Variants in PPARGC1A observed in about 807,000 individuals in gnomAD.
The protein encoded by PPARGC1A is PPARG coactivator 1 alpha.
Under a neutral mutation model 88.7 loss-of-function variants are expected in PPARGC1A, and 25 were observed. The ratio of observed to expected loss-of-function variants is 0.28; its 90% CI spans 0.21 to 0.39. The LOEUF (loss-of-function observed/expected upper bound fraction) is 0.39. Among genes scored for constraint, PPARGC1A ranks in the 10% least tolerant of loss-of-function variants. The pLI, the probability that PPARGC1A is intolerant of heterozygous loss-of-function variation, is 1.00. For missense variants in PPARGC1A, 880 were observed against 968.7 expected (o/e 0.91, Z 1.22); for synonymous variants, 363 against 355.6 (o/e 1.02, Z -0.24).
chr4:24,458,636 G>A, the PPARGC1A span, among the ~76,000 whole-genome samples: 93 of 152,180 alleles, frequency 6.1e-4, no homozygotes, highest in South Asian at 1.0e-3. Flanking sequence ...ACATTTGTAC[G>A]GCCTTTAACC....
At chr4:24,250,920 A>G in the PPARGC1A span, among the ~76,000 whole-genome samples, 7 of 152,340 alleles carry the variant, frequency 4.6e-5, no homozygotes, top group East Asian at 1.4e-3. Context: ...GCCCCAATCT[A>G]TCCTTGCCAC....
At chr4:24,163,322 T>A in the PPARGC1A span, among the ~76,000 whole-genome samples, 1 of 151,744 alleles carries the variant, frequency 6.6e-6, no homozygotes, top group Non-Finnish European at 1.5e-5. Flanking sequence ...GAAATGAATT[T>A]AACAACATAA....
chr4:24,382,062 C>G, the PPARGC1A span, among the ~76,000 whole-genome samples: 1 of 152,056 alleles, frequency 6.6e-6, no homozygotes, highest in South Asian at 2.1e-4. Context: ...AATAAATCTG[C>G]TTTTAGGAAT....
chr4:24,470,645 G>A, the PPARGC1A span, among the ~76,000 whole-genome samples: 3 of 151,866 alleles, frequency 2.0e-5, no homozygotes, highest in East Asian at 3.9e-4. The surrounding 1 kb of genome is among the most constrained non-coding windows in gnomAD (Gnocchi z 5.8). Flanking sequence ...TCCTCACTCC[G>A]CGCGCCTGGG....
the PPARGC1A span, among the ~76,000 whole-genome samples, chr4:24,391,702 A>C: frequency 6.6e-6 from 1 of 152,226 alleles, no homozygotes; most frequent in Non-Finnish European, 1.5e-5. Flanking sequence ...TTCATTTAAA[A>C]GACTTATTAG....
chr4:23,958,102 G>T, the PPARGC1A span, among the ~76,000 whole-genome samples: 1 of 152,064 alleles, frequency 6.6e-6, no homozygotes, highest in African/African-American at 2.4e-5. Flanking sequence ...ATTTTTTGGA[G>T]GAATGAAACT....
the PPARGC1A span, among the ~76,000 whole-genome samples, chr4:24,125,574 T>C: frequency 6.6e-6 from 1 of 152,184 alleles, no homozygotes; most frequent in African/African-American, 2.4e-5. Flanking sequence ...CACTCCTGCA[T>C]TGTTTCTTTC....
At chr4:24,202,973 G>C in the PPARGC1A span, among the ~76,000 whole-genome samples, 1 of 152,206 alleles carries the variant, frequency 6.6e-6, no homozygotes, top group African/African-American at 2.4e-5. Flanking sequence ...AAGAGATCTA[G>C]GGGGTGTCTG....
chr4:23,989,369 G>A, the PPARGC1A span, among the ~76,000 whole-genome samples: 1 of 151,930 alleles, frequency 6.6e-6, no homozygotes, highest in African/African-American at 2.4e-5. Flanking sequence ...GTGGGTAAGG[G>A]AATAGGGAAG....
chr4:24,117,174 G>A, the PPARGC1A span, among the ~76,000 whole-genome samples: 1 of 152,160 alleles, frequency 6.6e-6, no homozygotes, highest in African/African-American at 2.4e-5. Context: ...TCAATAGAGA[G>A]GTTTATACTT....
the PPARGC1A span, among the ~76,000 whole-genome samples, chr4:23,966,870 T>C: frequency 6.6e-6 from 1 of 152,150 alleles, no homozygotes; most frequent in Non-Finnish European, 1.5e-5. Context: ...AGGGCTTCTG[T>C]CTGGGAATGG....
At chr4:23,898,577 A>G (rs892853435) in intron 1 of PPARGC1A, among the ~76,000 whole-genome samples, 2 of 152,228 alleles carry the variant, frequency 1.3e-5, no homozygotes, top group Admixed American at 6.5e-5. Flanking sequence ...AGCAGTATTC[A>G]CTGGCATTAC....
intron 2 of PPARGC1A, among the ~76,000 whole-genome samples, chr4:23,863,230 AC>A (rs1560467241): frequency 6.6e-6 from 1 of 151,978 alleles, no homozygotes; most frequent in Non-Finnish European, 1.5e-5. Flanking sequence ...AAGCCTGAAA[AC>A]CTCAACAGCT....
chr4:24,431,300 A>G, the PPARGC1A span, among the ~76,000 whole-genome samples: 1 of 152,138 alleles, frequency 6.6e-6, no homozygotes, highest in African/African-American at 2.4e-5. Context: ...TAACTAGGAT[A>G]GAGAACACAG....
chr4:24,101,037 T>G, the PPARGC1A span, among the ~76,000 whole-genome samples: 1 of 152,204 alleles, frequency 6.6e-6, no homozygotes, highest in Non-Finnish European at 1.5e-5. Flanking sequence ...TATGATTTAT[T>G]TAATTTACTT....
the PPARGC1A span, among the ~76,000 whole-genome samples, chr4:24,443,489 CAG>C: frequency 5.3e-5 from 8 of 152,132 alleles, no homozygotes; most frequent in African/African-American, 1.7e-4. Context: ...GGAGGCTGTG[CAG>C]AGTGTCGGAA....
chr4:24,067,658 C>T, the PPARGC1A span, among the ~76,000 whole-genome samples: 1 of 152,252 alleles, frequency 6.6e-6, no homozygotes, highest in Admixed American at 6.5e-5. Flanking sequence ...CTTCTGTCAG[C>T]TTTTTTAAAT....
At chr4:24,354,264 T>A in the PPARGC1A span, among the ~76,000 whole-genome samples, 1 of 152,238 alleles carries the variant, frequency 6.6e-6, no homozygotes, top group East Asian at 1.9e-4. Context: ...TAATCCAAGA[T>A]AATCTCCCCA....
chr4:23,894,484 C>G (rs183363897), upstream of PPARGC1A, among the ~76,000 whole-genome samples: 5 of 150,294 alleles, frequency 3.3e-5, no homozygotes, highest in African/African-American at 1.2e-4. Context: ...ACAGTGATGT[C>G]CATGTGAACA....
Sources: gnomAD v4.1 joint callset for allele counts (sites outside exome capture counted in the v4.1 genomes callset) on GRCh38, gnomAD v4.1.1 for gene constraint, Gnocchi (gnomAD v3.1) non-coding constraint, MANE v1.5 for transcripts, NCBI Gene and HGNC (gene_info 2026-07-23, HGNC 2026-07-21) for gene names.